Variants in TKTL1 observed in about 807,000 individuals in gnomAD.
TKTL1 encodes the protein transketolase-like protein 1.
In TKTL1, 1 loss-of-function variant was observed where a neutral mutation model predicts 39.3. That is an observed-to-expected ratio of 0.03 (90% CI 0.01 to 0.12). The LOEUF (loss-of-function observed/expected upper bound fraction) is 0.12. TKTL1 is among the 10% of genes least tolerant of loss of function. TKTL1 has a pLI of 1.00. For synonymous variants in TKTL1, 262 were observed against 193.8 expected, an observed-to-expected ratio of 1.35 and a Z score of -2.92; for missense variants, 575 against 509.6, an observed-to-expected ratio of 1.13 and a Z score of -1.24.
chrX:154,323,188 C>G lies in TKTL1; in HGVS notation c.1187-19C>G. On this transcript the variant is annotated intron_variant, in intron 8 of 12. Coordinates refer to ENST00000369915, the MANE Select transcript of TKTL1 (RefSeq NM_012253.4). ...AATGGGGTTATGCTCCTGTTTTCATCGGGCTCTGGTTCTCTCAGGTGACGA... is the reference window on the plus strand; with the variant it reads ...AATGGGGTTATGCTCCTGTTTTCATGGGGCTCTGGTTCTCTCAGGTGACGA... 3 of 1,207,502 alleles carry G rather than the reference C, an allele frequency of 2.5e-6. No homozygotes were observed. Among genetic ancestry groups the G allele is most frequent in the Middle Eastern group, 2.3e-4 (1 of 4,329 alleles).
In TKTL1 at chrX:154,318,568, C is replaced by T. The variant is rs966690533; in HGVS notation, c.1030-2189C>T. Among the ~76,000 whole-genome samples, 72 of 107,850 alleles carry T rather than the reference C, an allele frequency of 6.7e-4. 3 individuals are homozygous for T. Among genetic ancestry groups the T allele is most frequent in the East Asian group, 5.2e-3 (18 of 3,475 alleles). 93.7% of individuals were successfully genotyped at this position (107,850 alleles called of 115,157 possible). A position where few individuals can be genotyped will look rare whatever the true frequency, so the allele number is the denominator to read the frequency against. On this transcript the variant is annotated intron_variant, in intron 7 of 12. Coordinates refer to ENST00000369915, the MANE Select transcript of TKTL1 (RefSeq NM_012253.4). ...CAAAAAAAAAAAAAAATTAGCCGGGCGTGGTGGTGGGTGCCTGTAGTCCCA... is the reference window on the plus strand; with the variant it reads ...CAAAAAAAAAAAAAAATTAGCCGGGTGTGGTGGTGGGTGCCTGTAGTCCCA...
At chrX:154,298,244 G>C (rs2067246162) in intron 1 of TKTL1, among the ~76,000 whole-genome samples, 1 of 109,807 alleles carries the variant, frequency 9.1e-6, no homozygotes, top group Admixed American at 9.8e-5. Context: ...GCAGGGTCTT[G>C]CTCTTTCACC....
rs1300819969 is a variant in TKTL1, at chrX:154,312,182, C to T, written c.671-398C>T. On this transcript the variant is annotated intron_variant, in intron 5 of 12. Coordinates refer to ENST00000369915, the MANE Select transcript of TKTL1 (RefSeq NM_012253.4). ...CCATGGTCTGCCCTACCTGTCTCTC[C>T]AGCCTTATTCTCATTCTCCCTTCCA... Among the ~76,000 whole-genome samples, 5 of 112,493 alleles carry T rather than the reference C, an allele frequency of 4.4e-5. No homozygotes were observed. The Admixed American group carries it at 4.7e-4, about 11-fold the overall frequency.
chrX:154,329,389 C>G (rs1404425048), intron 12 of TKTL1, 127 bp from the exon 13 acceptor site: 4 of 668,411 alleles, frequency 6.0e-6, no homozygotes, highest in African/African-American at 4.4e-5. Flanking sequence ...GCAGGCCCAT[C>G]GGAGTGGCTG....
At chrX:154,328,247 G>A (rs2067508426) in intron 12 of TKTL1, among the ~76,000 whole-genome samples, 1 of 110,330 alleles carries the variant, frequency 9.1e-6, no homozygotes, top group Non-Finnish European at 1.9e-5. Flanking sequence ...TTGGAATGAT[G>A]AATAGTATGC....
chrX:154,297,438 A>G (rs1425534737), intron 1 of TKTL1, among the ~76,000 whole-genome samples: 2 of 109,389 alleles, frequency 1.8e-5, no homozygotes, highest in East Asian at 5.9e-4. Context: ...TCTGTTTTTT[A>G]GTGGAGACGG....
At position 154,329,578 on chromosome X, in the gene TKTL1, C is replaced by A. The variant is rs1369673325; in HGVS notation, c.1681C>A (p.Leu561Met). Residue 561 changes from leucine (L) to methionine (M), a missense_variant, in exon 13 of 13, where the codon CTG becomes ATG. Leu to Met is a conservative substitution (Grantham distance 15). Coordinates refer to ENST00000369915, the MANE Select transcript of TKTL1 (RefSeq NM_012253.4). The part of the protein sequence containing the change: ...SMDPDIQVHS[L>M]AVSGVPQSGK... ...GGATCCTGACATTCAGGTTCATTCG[C>A]TGGCAGTGTCGGGAGTGCCCCAGAG... is the stretch of plus-strand genomic sequence containing the variant. 1 of 1,210,221 alleles carries A rather than the reference C, an allele frequency of 8.3e-7. No individual in the cohort carries two copies. The highest frequency in any genetic ancestry group is 1.1e-6 in the Non-Finnish European group (1 of 895,163).
At chrX:154,329,469 C>G in intron 12 of TKTL1, 47 bp from the exon 13 acceptor site, 1 of 1,180,178 alleles carries the variant, frequency 8.5e-7, no homozygotes, top group Non-Finnish European at 1.1e-6. Flanking sequence ...GGCTTTAAGG[C>G]TGACGAGCTG....
At chrX:154,298,634 G>T (rs2067248775) in intron 1 of TKTL1, among the ~76,000 whole-genome samples, 1 of 111,112 alleles carries the variant, frequency 9.0e-6, no homozygotes, top group African/African-American at 3.3e-5. Context: ...GCTTGAGGCT[G>T]CAGTGAGCCA....
intron 6 of TKTL1, among the ~76,000 whole-genome samples, chrX:154,313,122 A>T (rs1557168750): frequency 9.0e-6 from 1 of 111,173 alleles, no homozygotes; most frequent in East Asian, 2.8e-4. Context: ...TCTGATTTTT[A>T]TTTTTGGCTT....
intron 1 of TKTL1, among the ~76,000 whole-genome samples, chrX:154,297,813 T>C (rs1557164986): frequency 9.0e-6 from 1 of 111,362 alleles, no homozygotes; most frequent in African/African-American, 3.3e-5. Context: ...GGCACGTGCC[T>C]GTAGTCCCAG....
intron 7 of TKTL1, among the ~76,000 whole-genome samples, chrX:154,316,419 T>G (rs1372249211): frequency 1.8e-5 from 2 of 110,844 alleles, no homozygotes; most frequent in African/African-American, 3.3e-5. Context: ...AAAATCAGAT[T>G]ATAGGTGTAG....
intron 2 of TKTL1, 75 bp from the exon 3 acceptor site, chrX:154,309,270 G>T: frequency 1.1e-6 from 1 of 875,325 alleles, no homozygotes; most frequent in African/African-American, 1.9e-5. Flanking sequence ...GGAGCAGCCT[G>T]CACTCAGTGC....
chrX:154,305,031 G>T (rs1300859789), intron 1 of TKTL1: 5 of 1,085,867 alleles, frequency 4.6e-6, no homozygotes, highest in Non-Finnish European at 6.1e-6. Flanking sequence ...GCATGTGAAA[G>T]AATACTCATG....
intron 6 of TKTL1, among the ~76,000 whole-genome samples, chrX:154,314,307 C>G (rs1468983837): frequency 3.6e-5 from 4 of 111,753 alleles, no homozygotes; most frequent in African/African-American, 1.3e-4. Flanking sequence ...GAGCAACTTT[C>G]TTTATGAATA....
Position 154,329,726 on chromosome X carries a change from T to C in TKTL1, c.*38T>C, listed in dbSNP as rs782182311. The C allele has an allele frequency of 1.5e-5, 18 of 1,177,627 alleles. No homozygotes were observed. The highest frequency in any genetic ancestry group is 1.8e-5 in the Non-Finnish European group (16 of 869,249). The stretch of plus-strand genomic sequence containing the variant: ...CTTTGGTCTTTTGGCCTCTTTACCC[T>C]GTGTTTATGTTTGTTCCAAAACCAT... On this transcript the variant is annotated 3_prime_UTR_variant, in exon 13 of 13. Coordinates refer to ENST00000369915, the MANE Select transcript of TKTL1 (RefSeq NM_012253.4).
chrX:154,324,909 C>G (rs1330114895), intron 9 of TKTL1, among the ~76,000 whole-genome samples: 1 of 112,238 alleles, frequency 8.9e-6, no homozygotes, highest in Non-Finnish European at 1.9e-5. Context: ...AATGTATTTA[C>G]ATTTTATTGG....
chrX:154,306,623 C>A (rs1486102896), intron 2 of TKTL1, among the ~76,000 whole-genome samples: 1 of 111,253 alleles, frequency 9.0e-6, no homozygotes, highest in Non-Finnish European at 1.9e-5. Flanking sequence ...TAAACTTGAA[C>A]TTTTTTTACA....
At chrX:154,297,362 T>C (rs1013804635) in intron 1 of TKTL1, among the ~76,000 whole-genome samples, 1 of 110,499 alleles carries the variant, frequency 9.0e-6, no homozygotes, top group Non-Finnish European at 1.9e-5. Context: ...TTCACGCCAT[T>C]CTCCTGCCTC....
Sources: allele counts gnomAD v4.1 joint callset (sites outside exome capture counted in the v4.1 genomes callset), GRCh38; gene constraint gnomAD v4.1.1; transcripts MANE v1.5; gene names NCBI Gene and HGNC (gene_info 2026-07-23, HGNC 2026-07-21).